The following PPFIA2 variants were observed in gnomAD, a reference collection of about 807,000 sequenced individuals.
PPFIA2 encodes the protein PPFI scaffold protein A2, also known as liprin-alpha-2.
PPFIA2 carries 46 observed loss-of-function variants against 175.5 expected under a neutral mutation model. The ratio of observed to expected loss-of-function variants is 0.26; its 90% CI spans 0.21 to 0.34. PPFIA2 has a LOEUF of 0.34. PPFIA2 is among the 10% of genes least tolerant of loss of function. The pLI, the probability that PPFIA2 is intolerant of heterozygous loss-of-function variation, is 1.00. For missense variants in PPFIA2, 1,179 were observed against 1,506.1 expected (o/e 0.78, Z 3.60); for synonymous variants, 568 against 511.4 (o/e 1.11, Z -1.49).
intron 28 of PPFIA2, among the ~76,000 whole-genome samples, chr12:81,269,379 C>A (rs2038392830): frequency 6.6e-6 from 1 of 151,978 alleles, no homozygotes; most frequent in African/African-American, 2.4e-5. Context: ...TAATGAAGTG[C>A]CTAGCTCTTT....
intron 5 of PPFIA2, among the ~76,000 whole-genome samples, chr12:81,453,308 A>G (rs2052992010): frequency 6.6e-6 from 1 of 151,928 alleles, no homozygotes; most frequent in African/African-American, 2.4e-5. Flanking sequence ...ATCTTCAGCT[A>G]TAAAAATAGT....
Position 81,422,082 on chromosome 12 carries a change from A to C in PPFIA2, c.646-16179T>G, listed in dbSNP as rs573776239. Among the ~76,000 whole-genome samples the C allele has an allele frequency of 7.1e-5, 10 of 141,638 alleles. No individual in the cohort carries two copies. In the East Asian group the frequency reaches 2.0e-3, roughly 28 times the overall value. The allele number at this position is 141,638 out of a possible 152,430, so 92.9% of individuals were successfully genotyped here. On this transcript the variant is annotated intron_variant, in intron 7 of 32. Coordinates refer to ENST00000549396, the MANE Select transcript of PPFIA2 (RefSeq NM_003625.5). ...TATATATACGTGTGTGTGTGTATAT[A>C]TATGTGTATATATATGTGTGTATAT...
At chr12:81,745,833 AACCT>A (rs773974914) in intron 3 of PPFIA2, among the ~76,000 whole-genome samples, 3 of 152,212 alleles carry the variant, frequency 2.0e-5, no homozygotes, top group Non-Finnish European at 2.9e-5. Context: ...CTCTAAAGGA[AACCT>A]GTTAAGCTCT....
chr12:81,333,873 C>T (rs751635302), intron 21 of PPFIA2, among the ~76,000 whole-genome samples: 3 of 152,108 alleles, frequency 2.0e-5, no homozygotes, highest in South Asian at 2.1e-4. Flanking sequence ...AATCATGCCA[C>T]GAGAAACTTT....
At chr12:81,326,165 T>G (rs574180487) in intron 21 of PPFIA2, among the ~76,000 whole-genome samples, 18 of 152,288 alleles carry the variant, frequency 1.2e-4, no homozygotes, top group African/African-American at 4.3e-4. Flanking sequence ...CCCCAAGTCT[T>G]AAAGTCTGTT....
intron 8 of PPFIA2, among the ~76,000 whole-genome samples, chr12:81,397,712 A>G (rs539477045): frequency 6.6e-6 from 1 of 152,052 alleles, no homozygotes; most frequent in Admixed American, 6.6e-5. Context: ...CAAGCCATGG[A>G]CATGTACTGG....
At position 81,293,698 on chromosome 12, in the gene PPFIA2, T is replaced by A. The variant is rs188073649; in HGVS notation, c.2925+1137A>T. Among the ~76,000 whole-genome samples, 659 of 152,062 alleles carry A rather than the reference T, an allele frequency of 4.3e-3. 6 individuals are homozygous for A. Among genetic ancestry groups the A allele is most frequent in the African/African-American group, 0.015 (609 of 41,516 alleles). ...CACTTATACACTGTTGGTGGGAATG[T>A]AAATTAATACAACCTCTATGGAAGA... On this transcript the variant is annotated intron_variant, in intron 24 of 32. Transcript: ENST00000549396.
At chr12:81,726,860 C>G (rs1285299917) in intron 3 of PPFIA2, among the ~76,000 whole-genome samples, 1 of 151,258 alleles carries the variant, frequency 6.6e-6, no homozygotes, top group East Asian at 1.9e-4. Context: ...TGTGATGCAA[C>G]AAAATCCCTG....
intron 3 of PPFIA2, among the ~76,000 whole-genome samples, chr12:81,741,958 A>G (rs1456307893): frequency 6.6e-6 from 1 of 152,192 alleles, no homozygotes; most frequent in Non-Finnish European, 1.5e-5. Flanking sequence ...ATATTTGAGT[A>G]AAGACCTGAA....
chr12:81,553,518 A>C (rs2068302148), intron 4 of PPFIA2, among the ~76,000 whole-genome samples: 2 of 152,086 alleles, frequency 1.3e-5, no homozygotes, highest in Admixed American at 1.3e-4. Context: ...AAAAGACACA[A>C]GCATAGCACT....
intron 3 of PPFIA2, among the ~76,000 whole-genome samples, chr12:81,685,138 T>C (rs964381036): frequency 1.3e-5 from 2 of 152,076 alleles, no homozygotes; most frequent in Admixed American, 6.6e-5. Context: ...TAATAGAAGA[T>C]AAAATTTATT....
At chr12:81,388,986 C>G (rs149812485) in intron 8 of PPFIA2, among the ~76,000 whole-genome samples, 70 of 151,740 alleles carry the variant, frequency 4.6e-4, no homozygotes, top group African/African-American at 1.6e-3. Context: ...CACCCCAAGC[C>G]CCAGACAACC....
intron 7 of PPFIA2, among the ~76,000 whole-genome samples, chr12:81,422,039 G>GGT (rs1376348205): frequency 6.8e-6 from 1 of 148,066 alleles, no homozygotes; most frequent in Non-Finnish European, 1.5e-5. Context: ...TATATAAACA[G>GGT]GTATATATAT....
chr12:81,542,466 C>CGTA (rs1567253768), intron 4 of PPFIA2, among the ~76,000 whole-genome samples: 1 of 152,018 alleles, frequency 6.6e-6, no homozygotes, highest in African/African-American at 2.4e-5. Flanking sequence ...AAAATAGATA[C>CGTA]GTAGAAGTTT....
At chr12:81,649,107 T>A (rs2153529392) in intron 4 of PPFIA2, among the ~76,000 whole-genome samples, 1 of 152,088 alleles carries the variant, frequency 6.6e-6, no homozygotes, top group East Asian at 1.9e-4. Context: ...AAAAATAAAT[T>A]GGACTTAATC....
At chr12:81,586,210 A>G (rs925858339) in intron 4 of PPFIA2, among the ~76,000 whole-genome samples, 2 of 152,002 alleles carry the variant, frequency 1.3e-5, no homozygotes, top group Non-Finnish European at 2.9e-5. Flanking sequence ...TTTCTTCACC[A>G]AAATAATTAC....
intron 4 of PPFIA2, among the ~76,000 whole-genome samples, chr12:81,484,304 C>A (rs368249044): frequency 6.6e-6 from 1 of 151,796 alleles, no homozygotes; most frequent in Non-Finnish European, 1.5e-5. Context: ...TGGTTTTAAC[C>A]ACAGTGATGC....
intron 21 of PPFIA2, among the ~76,000 whole-genome samples, chr12:81,330,154 A>G (rs906364773): frequency 1.1e-4 from 17 of 152,138 alleles, no homozygotes; most frequent in Admixed American, 3.3e-4. Context: ...AGGGAAGGCC[A>G]TGAACAGAGG....
intron 4 of PPFIA2, among the ~76,000 whole-genome samples, chr12:81,613,548 T>C (rs1314030338): frequency 1.3e-5 from 2 of 152,168 alleles, no homozygotes; most frequent in South Asian, 2.1e-4. Context: ...TCAGCGTCCA[T>C]GTAGGTTCTA....
Sources: allele counts gnomAD v4.1 joint callset (sites outside exome capture counted in the v4.1 genomes callset), GRCh38; gene constraint gnomAD v4.1.1; transcripts MANE v1.5; gene names NCBI Gene and HGNC (gene_info 2026-07-23, HGNC 2026-07-21).